Variants in WDR49 observed in about 807,000 individuals in gnomAD.
WDR49 encodes WD repeat domain 49.
A neutral mutation model predicts 119.5 loss-of-function variants in WDR49; 107 were observed. That is an observed-to-expected ratio of 0.90 (90% confidence interval 0.77 to 1.05). The LOEUF (loss-of-function observed/expected upper bound fraction) is 1.05, where lower values mean the gene tolerates loss of function less well. Ranked by LOEUF, WDR49 falls within the 50% of genes least tolerant of loss-of-function variation. WDR49 has a pLI of 0.00. For synonymous variants in WDR49, 425 were observed against 418.8 expected (o/e 1.01, Z -0.18); for missense variants, 1,240 against 1,220.5 (o/e 1.02, Z -0.24).
At chr3:167,487,697 C>T (rs1430907260) in intron 18 of WDR49, among the ~76,000 whole-genome samples, 2 of 151,898 alleles carry the variant, frequency 1.3e-5, no homozygotes, top group Non-Finnish European at 2.9e-5. Context: ...TAAAACAACA[C>T]TATCAAAAAA....
chr3:167,589,891 T>C (rs1034808240), intron 7 of WDR49, among the ~76,000 whole-genome samples: 1 of 152,096 alleles, frequency 6.6e-6, no homozygotes, highest in Non-Finnish European at 1.5e-5. Flanking sequence ...CATTTCCAAT[T>C]TGGATGCCCT....
At chr3:167,577,553 G>A (rs942842298) in intron 7 of WDR49, among the ~76,000 whole-genome samples, 1 of 151,780 alleles carries the variant, frequency 6.6e-6, no homozygotes, top group Non-Finnish European at 1.5e-5. Context: ...TTTTAATGTA[G>A]TGTCTACCTC....
intron 2 of WDR49, among the ~76,000 whole-genome samples, chr3:167,642,527 T>C (rs1188676036): frequency 1.3e-5 from 2 of 151,992 alleles, no homozygotes; most frequent in African/African-American, 4.8e-5. Context: ...GAAGTATTAG[T>C]ATAAGTTCAT....
At chr3:167,646,766 G>A (rs762552522) in intron 2 of WDR49, among the ~76,000 whole-genome samples, 1 of 152,162 alleles carries the variant, frequency 6.6e-6, no homozygotes, top group Non-Finnish European at 1.5e-5. Flanking sequence ...CACATGGGAA[G>A]TGAAGCAGTA....
Position 167,478,967 on chromosome 3 carries a change from GGTT to G in WDR49, c.3058_3060del (p.Asn1020del), listed in dbSNP as rs1333118214. The G allele has an allele frequency of 2.5e-6, 4 of 1,608,410 alleles. No individual in the cohort carries two copies. The highest frequency in any genetic ancestry group is 3.4e-6 in the Non-Finnish European group (4 of 1,178,586). On this transcript the variant is annotated inframe_deletion, in exon 19 of 19. Transcript: ENST00000682715. ...TGATGCAGAATTTCCTTGGGAAACA[GGTT>G]TTTCTCATCAAATACAGCTTTCAAA... is the stretch of plus-strand genomic sequence containing the variant.
At chr3:167,555,894 T>C (rs1312592284) in intron 9 of WDR49, among the ~76,000 whole-genome samples, 1 of 152,210 alleles carries the variant, frequency 6.6e-6, no homozygotes, top group Non-Finnish European at 1.5e-5. Flanking sequence ...TGATACAGTC[T>C]ACTACACACC....
chr3:167,634,292 C>T lies in WDR49; in HGVS notation c.166-7000G>A, dbSNP rs142973021. On this transcript the variant is annotated intron_variant, in intron 2 of 18. Coordinates refer to ENST00000682715, the MANE Select transcript of WDR49 (RefSeq NM_001366157.1). ...CATTAGAAAACATAATCTCATTCAGCTCTTCCTAGTACAATGTTTTGCTAC... is the reference window on the plus strand; with the variant it reads ...CATTAGAAAACATAATCTCATTCAGTTCTTCCTAGTACAATGTTTTGCTAC... Among the ~76,000 whole-genome samples, 494 of 152,020 alleles carry T rather than the reference C, an allele frequency of 3.2e-3. 2 individuals are homozygous for T. The highest frequency in any genetic ancestry group is 0.011 in the South Asian group (54 of 4,824).
chr3:167,652,228 T>A (rs534275297), intron 2 of WDR49, among the ~76,000 whole-genome samples: 2 of 152,334 alleles, frequency 1.3e-5, no homozygotes, highest in Admixed American at 1.3e-4. Flanking sequence ...AAAGAAATGA[T>A]TGATACTATT....
chr3:167,518,796 G>A (rs1376264182), intron 16 of WDR49, among the ~76,000 whole-genome samples: 1 of 150,486 alleles, frequency 6.6e-6, no homozygotes, highest in Non-Finnish European at 1.5e-5. Context: ...AAACTAAAAA[G>A]CTTCTGCACA....
Position 167,653,465 on chromosome 3 carries a change from A to G in WDR49, c.-40T>C, listed in dbSNP as rs768137649. On this transcript the variant is annotated 5_prime_UTR_variant, in exon 2 of 19. An upstream open reading frame in the 5' UTR loses its in-frame stop. Transcript: ENST00000682715. ...TTCTCAGTTGCCTTCAACTATTTCT[A>G]TAAGGATGGATCTTCTTTTTCCTTC... is the stretch of plus-strand genomic sequence containing the variant. The G allele has an allele frequency of 1.4e-5, 20 of 1,441,016 alleles. No homozygotes were observed. Among genetic ancestry groups the G allele is most frequent in the Admixed American group, 2.9e-5 (1 of 34,976 alleles). The allele number at this position is 1,441,016 out of a possible 1,614,324, so 89.3% of individuals were successfully genotyped here. A position where few individuals can be genotyped will look rare whatever the true frequency, so the allele number is the denominator to read the frequency against.
At chr3:167,604,501 T>G (rs759550836) in intron 5 of WDR49, 33 bp from the exon 6 acceptor site, 58 of 1,537,646 alleles carry the variant, frequency 3.8e-5, no homozygotes, top group East Asian at 2.4e-5. Flanking sequence ...AAAACAATCT[T>G]TAGTTGATTC....
chr3:167,650,045 T>C (rs957313052), intron 2 of WDR49, among the ~76,000 whole-genome samples: 1 of 152,080 alleles, frequency 6.6e-6, no homozygotes, highest in African/African-American at 2.4e-5. Context: ...TAAACCATCA[T>C]TGACATACAG....
intron 7 of WDR49, among the ~76,000 whole-genome samples, chr3:167,591,721 G>A (rs573383784): frequency 9.2e-5 from 14 of 152,044 alleles, no homozygotes; most frequent in African/African-American, 3.1e-4. Context: ...AGGGACTCCT[G>A]TTCTTCCATT....
intron 18 of WDR49, among the ~76,000 whole-genome samples, chr3:167,492,915 G>C (rs920041482): frequency 2.0e-5 from 3 of 151,594 alleles, no homozygotes; most frequent in African/African-American, 7.3e-5. Context: ...AGGACCAGGA[G>C]TGGAGAACAA....
intron 15 of WDR49, among the ~76,000 whole-genome samples, chr3:167,526,735 A>G (rs1041220302): frequency 1.8e-4 from 28 of 152,108 alleles, no homozygotes; most frequent in African/African-American, 5.8e-4. Context: ...CTGCATCCTA[A>G]AGGGGTGCTT....
chr3:167,657,284 A>G (rs553233728), upstream of WDR49, among the ~76,000 whole-genome samples: 13 of 152,348 alleles, frequency 8.5e-5, no homozygotes, highest in African/African-American at 3.1e-4. Flanking sequence ...AAGGATAGGA[A>G]TCCATTCCTT....
At chr3:167,637,343 T>G (rs1717668774) in intron 2 of WDR49, among the ~76,000 whole-genome samples, 1 of 152,040 alleles carries the variant, frequency 6.6e-6, no homozygotes, top group East Asian at 1.9e-4. Context: ...TTCTGTTCTG[T>G]TGGTCTATGT....
chr3:167,559,806 G>A (rs1379962565), intron 9 of WDR49, among the ~76,000 whole-genome samples: 1 of 152,126 alleles, frequency 6.6e-6, no homozygotes, highest in African/African-American at 2.4e-5. Flanking sequence ...TGAAAAGGGG[G>A]CTTTCTGAAA....
At chr3:167,578,572 T>C (rs138603062) in intron 7 of WDR49, among the ~76,000 whole-genome samples, 12 of 152,300 alleles carry the variant, frequency 7.9e-5, no homozygotes, top group African/African-American at 2.9e-4. Context: ...GTTAGCATGT[T>C]AATTTTTTTA....
Sources: gnomAD v4.1 joint callset for allele counts (sites outside exome capture counted in the v4.1 genomes callset) on GRCh38, gnomAD v4.1.1 for gene constraint, MANE v1.5 for transcripts, NCBI Gene and HGNC (gene_info 2026-07-23, HGNC 2026-07-21) for gene names.